The following ARID1B variants were observed in gnomAD, a reference collection of about 807,000 sequenced individuals.
ARID1B encodes the protein AT-rich interactive domain-containing protein 1B.
A neutral mutation model predicts 212.3 loss-of-function variants in ARID1B; 30 were observed. The observed-to-expected ratio is 0.14, with a 90% CI of 0.11 to 0.19. The LOEUF is 0.19. ARID1B is among the 10% of genes least tolerant of loss of function. The probability of loss-of-function intolerance (pLI) is 1.00; values close to 1 mark genes in which losing one functional copy is unlikely to be tolerated. For missense variants in ARID1B, 2,891 were observed against 3,204.0 expected, an observed-to-expected ratio of 0.90 and a Z score of 2.36; for synonymous variants, 1,402 against 1,301.7, an observed-to-expected ratio of 1.08 and a Z score of -1.66.
intron 4 of ARID1B, among the ~76,000 whole-genome samples, chr6:157,054,806 G>T (rs1217653560): frequency 6.6e-6 from 1 of 152,098 alleles, no homozygotes; most frequent in African/African-American, 2.4e-5. Flanking sequence ...TTTTATTTTA[G>T]CATAAAACAC....
At chr6:157,008,466 A>G (rs1408234444) in intron 4 of ARID1B, among the ~76,000 whole-genome samples, 1 of 152,210 alleles carries the variant, frequency 6.6e-6, no homozygotes, top group Non-Finnish European at 1.5e-5. Flanking sequence ...AGTTACTGTT[A>G]TCTTCTGTCT....
chr6:156,951,902 A>G (rs1229666837), intron 4 of ARID1B, among the ~76,000 whole-genome samples: 1 of 152,228 alleles, frequency 6.6e-6, no homozygotes, highest in African/African-American at 2.4e-5. Flanking sequence ...ATGTTTGGGA[A>G]AATTATCAAA....
At chr6:157,101,280 T>G (rs1163695600) in intron 5 of ARID1B, among the ~76,000 whole-genome samples, 1 of 152,222 alleles carries the variant, frequency 6.6e-6, no homozygotes, top group Non-Finnish European at 1.5e-5. Context: ...AACTATGTAT[T>G]GATTTTGTAG....
At chr6:157,047,157 A>C (rs981229413) in intron 4 of ARID1B, among the ~76,000 whole-genome samples, 3 of 152,198 alleles carry the variant, frequency 2.0e-5, no homozygotes. Flanking sequence ...ATATCATTTT[A>C]GATCAGCTTT....
intron 6 of ARID1B, chr6:157,110,904 G>C (rs1786859213): frequency 3.6e-6 from 1 of 280,948 alleles, no homozygotes; most frequent in Non-Finnish European, 6.9e-6. Flanking sequence ...CAGTCCCAAT[G>C]TGTGTGTGTG....
intron 5 of ARID1B, among the ~76,000 whole-genome samples, chr6:157,098,795 G>C (rs140003157): frequency 9.9e-5 from 15 of 152,124 alleles, no homozygotes; most frequent in Non-Finnish European, 2.9e-5. Context: ...AGTGCAGTGG[G>C]ACCCAGGCTG....
intron 1 of ARID1B, among the ~76,000 whole-genome samples, chr6:156,828,671 A>G (rs158298): frequency 0.12 from 18,358 of 152,246 alleles, 1,482 homozygotes; most frequent in Non-Finnish European, 0.18. Flanking sequence ...GCTCATCCCT[A>G]CACACTGCTG....
chr6:157,045,377 A>T (rs1782164998), intron 4 of ARID1B, among the ~76,000 whole-genome samples: 1 of 152,202 alleles, frequency 6.6e-6, no homozygotes, highest in African/African-American at 2.4e-5. Context: ...ACATATACTA[A>T]TTTTCTGTTT....
chr6:156,965,784 A>G (rs987896303), intron 4 of ARID1B, among the ~76,000 whole-genome samples: 1 of 152,228 alleles, frequency 6.6e-6, no homozygotes, highest in Non-Finnish European at 1.5e-5. Flanking sequence ...TCGATTGTCC[A>G]AAAGTCGTAT....
At chr6:156,797,487 C>T (rs1032413352) in intron 1 of ARID1B, among the ~76,000 whole-genome samples, 1 of 152,188 alleles carries the variant, frequency 6.6e-6, no homozygotes, top group Non-Finnish European at 1.5e-5. Context: ...ATTTCCATTG[C>T]CCGTGGTTGA....
chr6:157,030,124 A>T (rs562966904), intron 4 of ARID1B, among the ~76,000 whole-genome samples: 2 of 152,166 alleles, frequency 1.3e-5, no homozygotes, highest in Non-Finnish European at 2.9e-5. Context: ...TCTGGTTTGT[A>T]CTGGGCTTGT....
Position 156,828,090 on chromosome 6 carries a change from G to T in ARID1B, c.1792-1137G>T, listed in dbSNP as rs543502953. Among the ~76,000 whole-genome samples, 64 of 147,928 alleles carry T rather than the reference G, an allele frequency of 4.3e-4. No homozygotes were observed. In the East Asian group the frequency reaches 0.013, roughly 29 times the overall value. The stretch of plus-strand genomic sequence containing the variant: ...TTTTTTTTTTTTTTTCAAGAGACAG[G>T]GTCCCACTGTGTTACCCAGACTGGA... On this transcript the variant is annotated intron_variant, in intron 1 of 19. Coordinates refer to ENST00000636930, the MANE Select transcript of ARID1B (RefSeq NM_001374828.1).
chr6:157,103,426 G>C (rs965445894), intron 5 of ARID1B, among the ~76,000 whole-genome samples: 4 of 152,154 alleles, frequency 2.6e-5, no homozygotes, highest in African/African-American at 9.7e-5. Context: ...ACTGTGTCCA[G>C]TTGTAAAAAA....
At chr6:157,138,141 C>T (rs1789064798) in intron 7 of ARID1B, among the ~76,000 whole-genome samples, 1 of 152,258 alleles carries the variant, frequency 6.6e-6, no homozygotes, top group East Asian at 1.9e-4. Flanking sequence ...CTTGTAGGCC[C>T]TGCAGTCACT....
intron 4 of ARID1B, among the ~76,000 whole-genome samples, chr6:157,002,826 A>G (rs1778980916): frequency 1.3e-5 from 2 of 152,214 alleles, no homozygotes; most frequent in African/African-American, 2.4e-5. Context: ...GTAAAATGCA[A>G]ATTGATAGAC....
chr6:156,793,743 A>G (rs187490510), intron 1 of ARID1B, among the ~76,000 whole-genome samples: 11 of 152,350 alleles, frequency 7.2e-5, no homozygotes, highest in East Asian at 1.9e-4. Context: ...TCTTATGGAT[A>G]TGCTGCTTCT....
chr6:156,836,582 A>AG (rs1344591875), intron 2 of ARID1B, among the ~76,000 whole-genome samples: 2 of 152,180 alleles, frequency 1.3e-5, no homozygotes, highest in Non-Finnish European at 2.9e-5. Context: ...CTGCCAGATG[A>AG]GGGGGTTGGA....
intron 2 of ARID1B, among the ~76,000 whole-genome samples, chr6:156,837,305 A>T (rs2128072127): frequency 6.6e-6 from 1 of 152,314 alleles, no homozygotes; most frequent in South Asian, 2.1e-4. Context: ...GCAAAGAGAG[A>T]TCTAGCAATT....
In ARID1B at chr6:157,200,570, T is replaced by C. The variant is rs1794023754; in HGVS notation, c.4480-135T>C. ...AATATTGAACATAAATTGTTAGTTC[T>C]CTGTTGTTATAGGAGCTTCCCATAT... is the stretch of plus-strand genomic sequence containing the variant. On this transcript the variant is annotated intron_variant, in intron 17 of 19. Transcript: ENST00000636930. The surrounding 1 kb of genome is among the most constrained non-coding windows in gnomAD (Gnocchi z 4.3). The C allele has an allele frequency of 1.0e-6, 1 of 955,566 alleles. No individual in the cohort carries two copies. The highest frequency in any genetic ancestry group is 1.6e-5 in the African/African-American group (1 of 60,682). The allele number at this position is 955,566 out of a possible 1,614,324, so 59.2% of individuals were successfully genotyped here. A position where few individuals can be genotyped will look rare whatever the true frequency, so the allele number is the denominator to read the frequency against.
Sources: gnomAD v4.1 joint callset for allele counts (sites outside exome capture counted in the v4.1 genomes callset) on GRCh38, gnomAD v4.1.1 for gene constraint, Gnocchi (gnomAD v3.1) non-coding constraint, MANE v1.5 for transcripts, NCBI Gene and HGNC (gene_info 2026-07-23, HGNC 2026-07-21) for gene names.